The following SLC35F3 variants were observed in gnomAD, a reference collection of about 807,000 sequenced individuals.
The protein encoded by SLC35F3 is solute carrier family 35 member F3, also known as putative thiamine transporter SLC35F3.
Under a neutral mutation model 49.9 loss-of-function variants are expected in SLC35F3, and 25 were observed. That is an observed-to-expected ratio of 0.50 (90% CI 0.37 to 0.70). The LOEUF is 0.70. Ranked by LOEUF, SLC35F3 falls within the 30% of genes least tolerant of loss-of-function variation. The pLI, the probability that SLC35F3 is intolerant of heterozygous loss-of-function variation, is 0.00. For missense variants in SLC35F3, 525 were observed against 639.8 expected, an observed-to-expected ratio of 0.82 and a Z score of 1.94; for synonymous variants, 275 against 265.4, an observed-to-expected ratio of 1.04 and a Z score of -0.35.
At chr1:234,210,242 A>C (rs758922777) in intron 2 of SLC35F3, among the ~76,000 whole-genome samples, 10 of 152,200 alleles carry the variant, frequency 6.6e-5, no homozygotes, top group Non-Finnish European at 1.3e-4. Context: ...AAGTCCATTA[A>C]ACCTCTTTTT....
At chr1:234,116,494 AT>A (rs35352230) in intron 2 of SLC35F3, among the ~76,000 whole-genome samples, 26,625 of 62,182 alleles carry the variant, frequency 0.43, 3,059 homozygotes, top group South Asian at 0.5. Context: ...CCCACCCCCC[AT>A]TATTTTTGTT....
At chr1:234,306,972 T>A (rs1657213778) in intron 3 of SLC35F3, among the ~76,000 whole-genome samples, 1 of 152,190 alleles carries the variant, frequency 6.6e-6, no homozygotes, top group African/African-American at 2.4e-5. Context: ...GGAGATAGAT[T>A]GACATTAATG....
chr1:234,275,594 GACA>G lies in SLC35F3; in HGVS notation c.609-33506_609-33504del, dbSNP rs1294544361. On this transcript the variant is annotated intron_variant, in intron 3 of 7. Coordinates refer to ENST00000366618, the MANE Select transcript of SLC35F3 (RefSeq NM_173508.4). ...AGGTAGTTAGGTAGGTAGATAGACA[GACA>G]GACAGACACACACACACACACAAAC... is the stretch of plus-strand genomic sequence containing the variant. Among the ~76,000 whole-genome samples, 4 of 151,510 alleles carry G rather than the reference GACA, an allele frequency of 2.6e-5. No homozygotes were observed. The East Asian group carries it at 5.8e-4, about 22-fold the overall frequency.
rs1219952268 is a variant in SLC35F3, at chr1:233,957,866, G to T, written c.283+52108G>T. Among the ~76,000 whole-genome samples the T allele has an allele frequency of 6.6e-6, 1 of 152,150 alleles. No individual in the cohort carries two copies. The highest frequency in any genetic ancestry group is 2.4e-5 in the African/African-American group (1 of 41,448). On this transcript the variant is annotated intron_variant, in intron 2 of 7. Transcript: ENST00000366618. The surrounding 1 kb of genome is among the most constrained non-coding windows in gnomAD (Gnocchi z 4.0). ...ATTATTGCTTGTGGTTTTATGAGATGGCTGGGCTCAGCTGGGCAGCTCTTC... is the reference window on the plus strand; with the variant it reads ...ATTATTGCTTGTGGTTTTATGAGATTGCTGGGCTCAGCTGGGCAGCTCTTC...
intron 2 of SLC35F3, among the ~76,000 whole-genome samples, chr1:233,951,400 A>C (rs1300481681): frequency 6.6e-6 from 1 of 152,028 alleles, no homozygotes; most frequent in Non-Finnish European, 1.5e-5. Context: ...AGCAACTTCT[A>C]GTCCTGCAAG....
At chr1:234,292,785 GTCC>G (rs1284060972) in intron 3 of SLC35F3, among the ~76,000 whole-genome samples, 1 of 152,212 alleles carries the variant, frequency 6.6e-6, no homozygotes. Context: ...GGCGGGACCT[GTCC>G]TCCTGCCACC....
intron 2 of SLC35F3, among the ~76,000 whole-genome samples, chr1:234,021,969 G>A (rs1175257293): frequency 3.3e-5 from 5 of 152,274 alleles, no homozygotes; most frequent in African/African-American, 1.2e-4. Flanking sequence ...GCAGACCTTG[G>A]TTGTTATGTT....
intron 2 of SLC35F3, among the ~76,000 whole-genome samples, chr1:234,143,187 G>A (rs535588106): frequency 1.3e-5 from 2 of 151,678 alleles, no homozygotes; most frequent in Admixed American, 6.6e-5. Context: ...TTTAAGCTAC[G>A]TCCCTACTCT....
chr1:234,304,182 GA>G (rs2102991685), intron 3 of SLC35F3, among the ~76,000 whole-genome samples: 1 of 149,452 alleles, frequency 6.7e-6, no homozygotes, highest in Admixed American at 6.7e-5. Flanking sequence ...TTTTTTTTGA[GA>G]CAGAGTCTTG....
intron 2 of SLC35F3, among the ~76,000 whole-genome samples, chr1:233,996,484 T>G (rs906623229): frequency 6.6e-6 from 1 of 152,058 alleles, no homozygotes; most frequent in African/African-American, 2.4e-5. Flanking sequence ...TTGGAAGGGT[T>G]GCCAATTCAG....
intron 3 of SLC35F3, among the ~76,000 whole-genome samples, chr1:234,263,111 G>A (rs1447762972): frequency 6.6e-6 from 1 of 152,148 alleles, no homozygotes; most frequent in African/African-American, 2.4e-5. Context: ...TACCTCAGAT[G>A]ACTGATCCTG....
At chr1:234,122,414 G>T (rs1369358288) in intron 2 of SLC35F3, among the ~76,000 whole-genome samples, 1 of 152,176 alleles carries the variant, frequency 6.6e-6, no homozygotes, top group Non-Finnish European at 1.5e-5. Context: ...TTTGAGTAAT[G>T]ATTCTAGAAA....
intron 2 of SLC35F3, among the ~76,000 whole-genome samples, chr1:233,923,658 G>A (rs1209233650): frequency 6.6e-6 from 1 of 152,026 alleles, no homozygotes; most frequent in Non-Finnish European, 1.5e-5. Context: ...CTGCCTGATT[G>A]CCCTGGCCAG....
At chr1:234,309,035 A>T in intron 3 of SLC35F3, 66 bp from the exon 4 acceptor site, 2 of 1,287,532 alleles carry the variant, frequency 1.6e-6, no homozygotes, top group Non-Finnish European at 2.2e-6. Context: ...AAAACTTGCT[A>T]TAGGAAATAA....
At chr1:234,250,298 C>T (rs1667714636) in intron 3 of SLC35F3, among the ~76,000 whole-genome samples, 1 of 152,162 alleles carries the variant, frequency 6.6e-6, no homozygotes, top group South Asian at 2.1e-4. Flanking sequence ...GGCAATGGCC[C>T]CTGTCTTCGC....
chr1:234,030,949 C>A (rs1664053528), intron 2 of SLC35F3, among the ~76,000 whole-genome samples: 1 of 152,132 alleles, frequency 6.6e-6, no homozygotes, highest in African/African-American at 2.4e-5. Flanking sequence ...TATTATTCTG[C>A]CAGTTTTCTG....
Position 234,211,420 on chromosome 1 carries a change from A to G in SLC35F3, c.284-19997A>G, listed in dbSNP as rs147511403. ...TGCCTGGAAAAGCCACAGACACTCA[A>G]TGCCAGCCCATGAAAGCAGCTGGGA... On this transcript the variant is annotated intron_variant, in intron 2 of 7. Coordinates refer to ENST00000366618, the MANE Select transcript of SLC35F3 (RefSeq NM_173508.4). Among the ~76,000 whole-genome samples, 240 of 152,300 alleles carry G rather than the reference A, an allele frequency of 1.6e-3. 1 individual carries two copies. The highest frequency in any genetic ancestry group is 5.5e-3 in the African/African-American group (229 of 41,566).
chr1:234,167,270 T>C (rs1666334678), intron 2 of SLC35F3, among the ~76,000 whole-genome samples: 1 of 152,210 alleles, frequency 6.6e-6, no homozygotes, highest in African/African-American at 2.4e-5. Flanking sequence ...TCATTACGTC[T>C]TCACCACACT....
chr1:233,917,649 T>C (rs1189909801), intron 2 of SLC35F3, among the ~76,000 whole-genome samples: 2 of 152,208 alleles, frequency 1.3e-5, no homozygotes, highest in African/African-American at 4.8e-5. Flanking sequence ...TGGGATATGC[T>C]CCCAGCTCTA....
Sources: gnomAD v4.1 joint callset for allele counts (sites outside exome capture counted in the v4.1 genomes callset) on GRCh38, gnomAD v4.1.1 for gene constraint, Gnocchi (gnomAD v3.1) non-coding constraint, MANE v1.5 for transcripts, NCBI Gene and HGNC (gene_info 2026-07-23, HGNC 2026-07-21) for gene names.